SOX5: variants seen among roughly 807,000 people sequenced by gnomAD.
The protein encoded by SOX5 is SRY-box transcription factor 5, also known as transcription factor SOX-5.
Under a neutral mutation model 92.0 loss-of-function variants are expected in SOX5, and 9 were observed. That is an observed-to-expected ratio of 0.10 (90% CI 0.06 to 0.17). The LOEUF is 0.17. SOX5 is among the 10% of genes least tolerant of loss of function. The pLI is 1.00. For synonymous variants in SOX5, 344 were observed against 336.3 expected (o/e 1.02, Z -0.25); for missense variants, 642 against 944.5 (o/e 0.68, Z 4.20).
intron 6 of SOX5, among the ~76,000 whole-genome samples, chr12:23,668,014 G>C (rs1033201299): frequency 4.6e-5 from 7 of 152,170 alleles, no homozygotes; most frequent in Admixed American, 6.5e-5. Flanking sequence ...TTGCAGACGT[G>C]CACAAAGCAG....
intron 4 of SOX5, among the ~76,000 whole-genome samples, chr12:24,094,052 T>TTC (rs948417235): frequency 4.4e-4 from 67 of 152,322 alleles, no homozygotes; most frequent in African/African-American, 1.6e-3. Context: ...GTTCAAGCGA[T>TTC]TCTCCCGCCT....
At chr12:23,584,656 C>A in intron 9 of SOX5, 1 of 1,420,952 alleles carries the variant, frequency 7.0e-7, no homozygotes, top group Non-Finnish European at 9.9e-7. Context: ...ATAAACCATG[C>A]ATTGGTTTAT....
At chr12:23,949,034 G>GA (rs1053947851) in intron 1 of SOX5, among the ~76,000 whole-genome samples, 3 of 151,906 alleles carry the variant, frequency 2.0e-5, no homozygotes, top group African/African-American at 4.8e-5. Flanking sequence ...TCTTTGGGGG[G>GA]AAAAAACGCT....
rs562591557 is a variant in SOX5 at position 24,318,393 on chromosome 12, G to A, written c.-173-41081C>T. ...CCTGATATATTAAGTGTAGAGAAAC[G>A]GCTGGAGGATTTGCTCATGAGGTAG... On this transcript the variant is annotated intron_variant, in intron 2 of 4. Transcript: ENST00000446891. Among the ~76,000 whole-genome samples the A allele has an allele frequency of 7.9e-5, 12 of 152,120 alleles. No homozygotes were observed. In the South Asian group the frequency reaches 1.5e-3, roughly 18 times the overall value.
intron 3 of SOX5, among the ~76,000 whole-genome samples, chr12:23,772,482 TTTTG>T (rs1259978011): frequency 2.6e-5 from 4 of 152,226 alleles, no homozygotes; most frequent in African/African-American, 9.6e-5. Flanking sequence ...CGTGTATGTC[TTTTG>T]TTTATCTGTA....
At chr12:23,714,495 G>A (rs1223780587) in intron 6 of SOX5, among the ~76,000 whole-genome samples, 2 of 152,086 alleles carry the variant, frequency 1.3e-5, no homozygotes, top group Admixed American at 6.5e-5. Context: ...GGTGGTGTGC[G>A]CCTGTAATCC....
At chr12:23,888,387 T>A (rs1216840687) in intron 2 of SOX5, among the ~76,000 whole-genome samples, 2 of 151,582 alleles carry the variant, frequency 1.3e-5, no homozygotes, top group Non-Finnish European at 2.9e-5. Flanking sequence ...TTAAGTGTCC[T>A]GAACTATCTC....
intron 5 of SOX5, among the ~76,000 whole-genome samples, chr12:23,736,889 C>T (rs1221863686): frequency 6.6e-6 from 1 of 151,908 alleles, no homozygotes; most frequent in African/African-American, 2.4e-5. Context: ...GACACGGTTT[C>T]ACCATGTTGG....
Position 23,534,704 on chromosome 12 carries a change from C to CTT in SOX5, c.1989-184_1989-183dup, listed in dbSNP as rs60460683. On this transcript the variant is annotated intron_variant, in intron 14 of 14. Coordinates refer to ENST00000451604, the MANE Select transcript of SOX5 (RefSeq NM_006940.6). Reference sequence around the variant, plus strand: ...TAATACCTTGTTTTTCTTTTCTTTTCTTTTTTTTTTTTTTTTTTTGAGATG... The same window carrying CTT: ...TAATACCTTGTTTTTCTTTTCTTTTCTTTTTTTTTTTTTTTTTTTTTGAGATG... 9.3e-4 allele frequency among the ~76,000 whole-genome samples: 101 copies of CTT among 108,840 alleles called. 2 individuals are homozygous for CTT. Among genetic ancestry groups the CTT allele is most frequent in the Non-Finnish European group, 1.6e-3 (81 of 51,906 alleles). 71.4% of individuals were successfully genotyped at this position (108,840 alleles called of 152,430 possible). A position where few individuals can be genotyped will look rare whatever the true frequency, so the allele number is the denominator to read the frequency against.
rs1335306912 is a variant in SOX5 at position 23,533,320 on chromosome 12, T to TC, written c.*898dup. ...TTTCTTATGTCTCTCTCTCTCTCTCTCTTTTCACCTGAGAACAGCACCTAC... is the reference window on the plus strand; with the variant it reads ...TTTCTTATGTCTCTCTCTCTCTCTCTCCTTTTCACCTGAGAACAGCACCTAC... On this transcript the variant is annotated 3_prime_UTR_variant, in exon 15 of 15. Transcript: ENST00000451604. 3 of 352,270 alleles carry TC rather than the reference T, an allele frequency of 8.5e-6. No individual in the cohort carries two copies. The East Asian group carries it at 2.4e-4, about 28-fold the overall frequency. 21.8% of individuals were successfully genotyped at this position (352,270 alleles called of 1,614,324 possible).
intron 2 of SOX5, among the ~76,000 whole-genome samples, chr12:24,289,630 AT>A (rs1302480076): frequency 7.0e-6 from 1 of 142,512 alleles, no homozygotes; most frequent in African/African-American, 2.9e-5. Context: ...ATTTTTTTGT[AT>A]TTTTTAGTAG....
chr12:24,466,058 A>G (rs962060596), intron 1 of SOX5, among the ~76,000 whole-genome samples: 1 of 152,146 alleles, frequency 6.6e-6, no homozygotes, highest in Admixed American at 6.5e-5. Flanking sequence ...ATCTTTTTCC[A>G]TCTTTTCCAT....
chr12:24,376,690 C>CTTT lies in SOX5; in HGVS notation c.-250-8054_-250-8052dup, dbSNP rs1164391418. Among the ~76,000 whole-genome samples the CTTT allele has an allele frequency of 3.6e-3, 257 of 70,600 alleles. 31 individuals carry two copies. The highest frequency in any genetic ancestry group is 7.5e-3 in the Middle Eastern group (1 of 134). 46.3% of individuals were successfully genotyped at this position (70,600 alleles called of 152,430 possible). A position where few individuals can be genotyped will look rare whatever the true frequency, so the allele number is the denominator to read the frequency against. ...CAGAATGATGCTATGGGAGAGATAC[C>CTTT]TTTTTTTTTTTTTTTTTTTTTTTTT... On this transcript the variant is annotated intron_variant, in intron 1 of 4. Transcript: ENST00000446891.
At chr12:24,029,658 T>C (rs1344909763) in intron 4 of SOX5, among the ~76,000 whole-genome samples, 2 of 152,020 alleles carry the variant, frequency 1.3e-5, no homozygotes, top group Non-Finnish European at 2.9e-5. Flanking sequence ...GAGCTCCTAA[T>C]TGCATTTATT....
intron 3 of SOX5, among the ~76,000 whole-genome samples, chr12:23,775,392 CCAGGAT>C (rs1319941109): frequency 6.6e-6 from 1 of 152,118 alleles, no homozygotes; most frequent in Non-Finnish European, 1.5e-5. Flanking sequence ...AGGAAATAAG[CCAGGAT>C]TCAAACAACT....
intron 3 of SOX5, among the ~76,000 whole-genome samples, chr12:24,226,449 A>T (rs1961997855): frequency 6.6e-6 from 1 of 152,070 alleles, no homozygotes; most frequent in South Asian, 2.1e-4. Flanking sequence ...TACTGCATAG[A>T]GATCTTCCTC....
intron 2 of SOX5, among the ~76,000 whole-genome samples, chr12:23,859,073 G>A (rs1024545309): frequency 2.0e-5 from 3 of 151,874 alleles, no homozygotes; most frequent in Admixed American, 6.6e-5. Flanking sequence ...TGTACAAATT[G>A]TAAAACATGT....
chr12:23,704,711 T>TATATATATATATATATAC (rs1220057297), intron 6 of SOX5, among the ~76,000 whole-genome samples: 1 of 119,356 alleles, frequency 8.4e-6, no homozygotes, highest in African/African-American at 3.0e-5. Context: ...TATATATATA[T>TATATATATATATATATAC]ATATACACAC....
chr12:23,536,336 C>A, intron 14 of SOX5, 117 bp downstream of exon 14: 1 of 787,706 alleles, frequency 1.3e-6, no homozygotes. Flanking sequence ...TCTGAAAATA[C>A]TGTGAGCTCA....
Sources: gnomAD v4.1 joint callset for allele counts (sites outside exome capture counted in the v4.1 genomes callset) on GRCh38, gnomAD v4.1.1 for gene constraint, MANE v1.5 for transcripts, NCBI Gene and HGNC (gene_info 2026-07-23, HGNC 2026-07-21) for gene names.